GATA2: variants seen among roughly 807,000 people sequenced by gnomAD.
The protein encoded by GATA2 is endothelial transcription factor GATA-2.
A neutral mutation model predicts 35.7 loss-of-function variants in GATA2; 6 were observed. The ratio of observed to expected loss-of-function variants is 0.17; its 90% confidence interval spans 0.09 to 0.33. GATA2 has a LOEUF of 0.33. Among genes scored for constraint, GATA2 ranks in the 10% least tolerant of loss-of-function variants. The pLI, the probability that GATA2 is intolerant of heterozygous loss-of-function variation, is 1.00. For missense variants in GATA2, 541 were observed against 656.6 expected (o/e 0.82, Z 1.92); for synonymous variants, 313 against 274.9 (o/e 1.14, Z -1.37).
In GATA2 at chr3:128,486,386, G is replaced by C. The variant is rs937505737; in HGVS notation, c.230-18C>G. On this transcript the variant is annotated intron_variant, in intron 2 of 5. Transcript: ENST00000341105. ...CAGGCGGGCTGCGGGCAAAGAGAGA[G>C]AGGATCAGGGTGGGCAGAAAGATCA... The C allele has an allele frequency of 6.3e-7, 1 of 1,593,358 alleles. No individual in the cohort carries two copies. Among genetic ancestry groups the C allele is most frequent in the South Asian group, 1.1e-5 (1 of 88,314 alleles).
At position 128,492,921 on chromosome 3, in the gene GATA2, G is replaced by C. The variant is rs1257747122; in HGVS notation, c.-68C>G. 2.6e-5 allele frequency: 4 copies of C among 152,400 alleles called. No homozygotes were observed. The highest frequency in any genetic ancestry group is 5.9e-5 in the Non-Finnish European group (4 of 68,282). 9.4% of individuals were successfully genotyped at this position (152,400 alleles called of 1,614,324 possible). A position where few individuals can be genotyped will look rare whatever the true frequency, so the allele number is the denominator to read the frequency against. Reference sequence around the variant, plus strand: ...CACCGAGCGAGGCGCGGTGGGCGGCGCCCCCGGGCGGACGGGGCCTGGAGT... The same window carrying C: ...CACCGAGCGAGGCGCGGTGGGCGGCCCCCCCGGGCGGACGGGGCCTGGAGT... On this transcript the variant is annotated 5_prime_UTR_variant, in exon 1 of 6. Transcript: ENST00000341105.
rs762228005 is a variant in GATA2 at position 128,481,861 on chromosome 3, G to A, written c.1101C>T (p.Asp367=). The A allele has an allele frequency of 6.2e-7, 1 of 1,614,094 alleles. No homozygotes were observed. The highest frequency in any genetic ancestry group is 8.5e-7 in the Non-Finnish European group (1 of 1,180,032). ...AGAGGCCACAGGCGTTGCAGACAGG[G>A]TCCCCGTTGGCGTTTCGGCGCCATA... ...TTLWRRNANG[D]PVCNACGLYY... is the part of the protein sequence containing the mutation. Residue 367 remains aspartate, a synonymous_variant, in exon 5 of 6, where the codon GAC becomes GAT. Coordinates refer to ENST00000341105, the MANE Select transcript of GATA2 (RefSeq NM_032638.5).
At chr3:128,482,643 C>G (rs773294561) in intron 4 of GATA2, among the ~76,000 whole-genome samples, 2 of 152,138 alleles carry the variant, frequency 1.3e-5, no homozygotes, top group Admixed American at 1.3e-4. Flanking sequence ...GCTGATCCCC[C>G]CCATCCAGCC....
intron 4 of GATA2, chr3:128,482,166 T>A (rs1341367729): frequency 1.6e-6 from 1 of 617,852 alleles, no homozygotes; most frequent in Non-Finnish European, 2.8e-6. Context: ...AGCCTGATGT[T>A]AGAATCAACG....
intron 3 of GATA2, among the ~76,000 whole-genome samples, chr3:128,485,382 C>T (rs892005641): frequency 3.3e-5 from 5 of 152,156 alleles, no homozygotes; most frequent in African/African-American, 1.2e-4. Flanking sequence ...AGTCACTTCC[C>T]TCGCTTCACA....
In GATA2 at chr3:128,486,913, A is replaced by G; in HGVS notation, c.119T>C (p.Leu40Pro). The G allele has an allele frequency of 6.2e-7, 1 of 1,612,948 alleles. No homozygotes were observed. The highest frequency in any genetic ancestry group is 8.5e-7 in the Non-Finnish European group (1 of 1,179,604). ...GAAGACGTCCACCTCGTCTGGAGGC[A>G]GCAGCTGCGCGGGTTCCATGTAGTT... ...AHNYMEPAQL[L>P]PPDEVDVFFN... Residue 40 changes from leucine (L) to proline (P), a missense_variant, in exon 2 of 6, where the codon CTG becomes CCG. Leu to Pro is a moderately conservative substitution (Grantham distance 98). Coordinates refer to ENST00000341105, the MANE Select transcript of GATA2 (RefSeq NM_032638.5).
intron 2 of GATA2, among the ~76,000 whole-genome samples, chr3:128,486,569 C>T (rs1308130750): frequency 6.6e-6 from 1 of 152,120 alleles, no homozygotes; most frequent in Non-Finnish European, 1.5e-5. Context: ...ATAGAAGGAA[C>T]CCCACCGGAC....
chr3:128,481,728 C>CTGGA lies in GATA2; in HGVS notation c.1143+87_1143+90dup. On this transcript the variant is annotated intron_variant, in intron 5 of 5. Transcript: ENST00000341105. ...CAGCAGCTTCCCAAGCCAAGCCAAGCTGGATATTGTGGCTGGGGCCTCTTG... is the reference window on the plus strand; with the variant it reads ...CAGCAGCTTCCCAAGCCAAGCCAAGCTGGATGGATATTGTGGCTGGGGCCTCTTG... 2.7e-6 allele frequency: 4 copies of CTGGA among 1,490,650 alleles called. No homozygotes were observed. In the South Asian group the frequency reaches 5.0e-5, roughly 18 times the overall value. The allele number at this position is 1,490,650 out of a possible 1,614,324, so 92.3% of individuals were successfully genotyped here.
Position 128,487,107 on chromosome 3 carries a change from G to A in GATA2, c.-45-31C>T, listed in dbSNP as rs1487211563. The A allele has an allele frequency of 4.0e-6, 5 of 1,254,466 alleles. No individual in the cohort carries two copies. The African/African-American group carries it at 4.5e-5, about 11-fold the overall frequency. The allele number at this position is 1,254,466 out of a possible 1,614,324, so 77.7% of individuals were successfully genotyped here. ...CGAGGAAGGGGGAGTGAGGCGTGCC[G>A]CCAGCGCCTGACACCCCCCAAAGTC... On this transcript the variant is annotated intron_variant, in intron 1 of 5. Coordinates refer to ENST00000341105, the MANE Select transcript of GATA2 (RefSeq NM_032638.5).
chr3:128,486,828 C>A lies in GATA2; in HGVS notation c.204G>T (p.Ala68=), dbSNP rs886057932. 8.7e-6 allele frequency: 14 copies of A among 1,609,548 alleles called. No individual in the cohort carries two copies. The highest frequency in any genetic ancestry group is 1.2e-5 in the Non-Finnish European group (14 of 1,178,698). The change falls in exon 2 of 6, where the codon GCG becomes GCT. Residue 68 remains alanine, a synonymous_variant. Coordinates refer to ENST00000341105, the MANE Select transcript of GATA2 (RefSeq NM_032638.5). The part of the protein sequence containing the change: ...PYYANPAHAR[A]RVSYSPAHAR... ...CGTGCGCGGGGCTGTAGGAGACGCG[C>A]GCCCGCGCGTGAGCGGGGTTGGCAT...
chr3:128,492,180 CG>C, intron 1 of GATA2: 1 of 152,350 alleles, frequency 6.6e-6, no homozygotes, highest in African/African-American at 2.4e-5. Context: ...TCCCTGAACG[CG>C]GGGCCTTTCC....
Position 128,480,658 on chromosome 3 carries a change from T to C in GATA2, c.*361A>G. On this transcript the variant is annotated 3_prime_UTR_variant, in exon 6 of 6. Coordinates refer to ENST00000341105, the MANE Select transcript of GATA2 (RefSeq NM_032638.5). ...CAGCTCAGACCACCAAGTCTCCAAGTCCTTGTTAGAAACAAGAGCAAAATA... is the reference window on the plus strand; with the variant it reads ...CAGCTCAGACCACCAAGTCTCCAAGCCCTTGTTAGAAACAAGAGCAAAATA... The C allele has an allele frequency of 3.2e-6, 1 of 312,750 alleles. No homozygotes were observed. Among genetic ancestry groups the C allele is most frequent in the East Asian group, 4.7e-5 (1 of 21,080 alleles). 19.4% of individuals were successfully genotyped at this position (312,750 alleles called of 1,614,324 possible).
rs10934857 is a variant in GATA2, at chr3:128,480,819, G to A, written c.*200C>T. On this transcript the variant is annotated 3_prime_UTR_variant, in exon 6 of 6. Transcript: ENST00000341105. Reference sequence around the variant, plus strand: ...ATGCAGGAAACCCCACCTGGGCAGCGGTCAGGTGCGGAGGCAGCCTCTCAG... The same window carrying A: ...ATGCAGGAAACCCCACCTGGGCAGCAGTCAGGTGCGGAGGCAGCCTCTCAG... 0.23 allele frequency: 133,047 copies of A among 582,460 alleles called. 16,277 individuals are homozygous for A. The highest frequency in any genetic ancestry group is 0.27 in the Middle Eastern group (603 of 2,208). The allele number at this position is 582,460 out of a possible 1,614,324, so 36.1% of individuals were successfully genotyped here.
chr3:128,485,925 T>C lies in GATA2; in HGVS notation c.673A>G (p.Ser225Gly). 6.2e-7 allele frequency: 1 copy of C among 1,614,152 alleles called. No homozygotes were observed. The change falls in exon 3 of 6, where the codon AGT becomes GGT. Residue 225 changes from serine (S) to glycine (G), a missense_variant. Ser to Gly is a moderately conservative substitution (Grantham distance 56). This residue lies in a region of GATA2 where 389 missense variants were observed against 396.9 expected (regional missense o/e 0.98). Transcript: ENST00000341105. ...VSLTESMKME[S>G]GSPLRPGLAT... ...AGGCCTGGGCGCAGGGGACTGCCACTTTCCATCTTCATGCTCTCCGTCAGT... is the reference window on the plus strand; with the variant it reads ...AGGCCTGGGCGCAGGGGACTGCCACCTTCCATCTTCATGCTCTCCGTCAGT...
chr3:128,489,639 T>C (rs1231474499), intron 1 of GATA2: 2 of 152,014 alleles, frequency 1.3e-5, no homozygotes, highest in Non-Finnish European at 2.9e-5. Flanking sequence ...GCGAGGCCCT[T>C]GGCGCCGGGC....
In GATA2 at chr3:128,479,569, A is replaced by G. The variant is rs2068597906; in HGVS notation, c.*1450T>C. ...ACTAATCCAAAATAAAACAAGCCAA[A>G]TAAAACATAAAAACAGAAAATACTG... is the stretch of plus-strand genomic sequence containing the variant. On this transcript the variant is annotated 3_prime_UTR_variant, in exon 6 of 6. Coordinates refer to ENST00000341105, the MANE Select transcript of GATA2 (RefSeq NM_032638.5). 2 of 233,590 alleles carry G rather than the reference A, an allele frequency of 8.6e-6. No individual in the cohort carries two copies. Among genetic ancestry groups the G allele is most frequent in the East Asian group, 1.2e-4 (2 of 16,562 alleles). 14.5% of individuals were successfully genotyped at this position (233,590 alleles called of 1,614,324 possible). A position where few individuals can be genotyped will look rare whatever the true frequency, so the allele number is the denominator to read the frequency against.
At position 128,488,002 on chromosome 3, in the gene GATA2, G is replaced by C. The variant is rs2068728979; in HGVS notation, c.-45-926C>G. 6.6e-6 allele frequency: 1 copy of C among 152,560 alleles called. No homozygotes were observed. Among genetic ancestry groups the C allele is most frequent in the African/African-American group, 2.4e-5 (1 of 41,412 alleles). The allele number at this position is 152,560 out of a possible 1,614,324, so 9.5% of individuals were successfully genotyped here. A position where few individuals can be genotyped will look rare whatever the true frequency, so the allele number is the denominator to read the frequency against. ...CAACGCCGCGCGCCTCCCAGCCTCC[G>C]CCTCCCATTGGCTGCGTCCGCAATT... On this transcript the variant is annotated intron_variant, in intron 1 of 5. Coordinates refer to ENST00000341105, the MANE Select transcript of GATA2 (RefSeq NM_032638.5). The surrounding 1 kb of genome is among the most constrained non-coding windows in gnomAD (Gnocchi z 5.8).
In GATA2 at chr3:128,481,954, C is replaced by T. The variant is rs1211623638; in HGVS notation, c.1018-10G>A. ...CTCTTCTGGCGGCCGACTGGGAGGG[C>T]AAGGCAGCGTCAGCAGGCTGGACTC... On this transcript the variant is annotated splice_polypyrimidine_tract_variant and intron_variant, in intron 4 of 5. Transcript: ENST00000341105. 12 of 1,612,816 alleles carry T rather than the reference C, an allele frequency of 7.4e-6. No individual in the cohort carries two copies. Among genetic ancestry groups the T allele is most frequent in the Non-Finnish European group, 9.3e-6 (11 of 1,179,952 alleles).
intron 3 of GATA2, among the ~76,000 whole-genome samples, chr3:128,485,490 G>A (rs2068682319): frequency 6.6e-6 from 1 of 152,122 alleles, no homozygotes; most frequent in Non-Finnish European, 1.5e-5. Flanking sequence ...ACCAACCCTG[G>A]GGCAAGGAAC....
Sources: allele counts gnomAD v4.1 joint callset (sites outside exome capture counted in the v4.1 genomes callset), GRCh38; gene constraint gnomAD v4.1.1; regional missense constraint gnomAD v4.1.1; non-coding constraint Gnocchi (gnomAD v3.1); transcripts MANE v1.5; gene names NCBI Gene and HGNC (gene_info 2026-07-23, HGNC 2026-07-21).